The following RGS22 variants were observed in gnomAD, a reference collection of about 807,000 sequenced individuals.
RGS22 encodes regulator of G protein signaling 22, also known as regulator of G-protein signaling 22.
Under a neutral mutation model 172.9 loss-of-function variants are expected in RGS22, and 148 were observed. The observed-to-expected ratio is 0.86, with a 90% confidence interval of 0.75 to 0.98. The LOEUF is 0.98. RGS22 is among the 50% of genes least tolerant of loss of function. The probability of loss-of-function intolerance (pLI) is 0.00; values close to 1 mark genes in which losing one functional copy is unlikely to be tolerated. For synonymous variants in RGS22, 458 were observed against 480.2 expected (o/e 0.95, Z 0.60); for missense variants, 1,347 against 1,440.8 (o/e 0.93, Z 1.05).
intron 3 of RGS22, among the ~76,000 whole-genome samples, chr8:100,087,094 T>C (rs1342317442): frequency 2.6e-5 from 4 of 152,174 alleles, no homozygotes. Flanking sequence ...TCCTTTGTTT[T>C]AACCATTTCT....
chr8:100,071,379 G>A lies in RGS22; in HGVS notation c.584C>T (p.Ser195Leu). The change falls in exon 6 of 28, where the codon TCA (serine) becomes TTA (leucine). Residue 195 changes from serine (S) to leucine (L), a missense_variant. Ser to Leu is a moderately radical substitution (Grantham distance 145). Transcript: ENST00000360863. The stretch of plus-strand genomic sequence containing the variant: ...TGCTCATACTTTTACCTCACCAAGT[G>A]ATACATAGAACTTTTTCATAATTAC... ...NLVIMKKFYVSLGEASYTQTK... is the reference protein window; with the variant it reads ...NLVIMKKFYVLLGEASYTQTK... 6.2e-7 allele frequency: 1 copy of A among 1,607,186 alleles called. No individual in the cohort carries two copies. Among genetic ancestry groups the A allele is most frequent in the Non-Finnish European group, 8.5e-7 (1 of 1,177,368 alleles).
At chr8:100,012,046 G>T (rs1417069708) in intron 14 of RGS22, among the ~76,000 whole-genome samples, 2 of 151,898 alleles carry the variant, frequency 1.3e-5, no homozygotes, top group African/African-American at 4.8e-5. Context: ...GAAGCCAAAT[G>T]AAGAGTTAGC....
At position 99,972,110 on chromosome 8, in the gene RGS22, T is replaced by C. The variant is rs531018728; in HGVS notation, c.3519+5807A>G. On this transcript the variant is annotated intron_variant, in intron 23 of 27. Transcript: ENST00000360863. Reference sequence around the variant, plus strand: ...AAATAACATCATACATCTACAACCATCTGATCTTCGACAAACCTGACAAAA... The same window carrying C: ...AAATAACATCATACATCTACAACCACCTGATCTTCGACAAACCTGACAAAA... 4.6e-5 allele frequency among the ~76,000 whole-genome samples: 7 copies of C among 152,180 alleles called. No individual in the cohort carries two copies. In the South Asian group the frequency reaches 1.5e-3, roughly 32 times the overall value.
At chr8:100,031,985 C>G (rs1166231053) in intron 14 of RGS22, among the ~76,000 whole-genome samples, 1 of 152,082 alleles carries the variant, frequency 6.6e-6, no homozygotes, top group Non-Finnish European at 1.5e-5. Flanking sequence ...TTTGTCACCA[C>G]CAGGCCTGCC....
chr8:100,035,619 A>G (rs910299048), intron 14 of RGS22, among the ~76,000 whole-genome samples: 4 of 152,236 alleles, frequency 2.6e-5, no homozygotes, highest in African/African-American at 7.2e-5. Flanking sequence ...TATAAACCCA[A>G]TGGATTTTAA....
intron 12 of RGS22, among the ~76,000 whole-genome samples, 184 bp downstream of exon 12, chr8:100,041,618 T>C (rs1366584360): frequency 1.3e-5 from 2 of 152,124 alleles, no homozygotes; most frequent in Admixed American, 1.3e-4. Flanking sequence ...TATAGAACCA[T>C]GGTACTACAA....
chr8:100,043,103 C>A (rs1002223998), intron 11 of RGS22, among the ~76,000 whole-genome samples: 1 of 152,178 alleles, frequency 6.6e-6, no homozygotes, highest in Admixed American at 6.5e-5. Context: ...CTGGCAGTTG[C>A]CTATTATCGG....
intron 20 of RGS22, among the ~76,000 whole-genome samples, chr8:99,990,339 G>A (rs1169388210): frequency 4.6e-5 from 7 of 152,074 alleles, no homozygotes; most frequent in African/African-American, 1.7e-4. Flanking sequence ...CCTCTAGCAG[G>A]GGACTCTGGC....
chr8:100,052,125 A>C (rs1821667692), intron 10 of RGS22, among the ~76,000 whole-genome samples: 1 of 85,162 alleles, frequency 1.2e-5, no homozygotes, highest in Non-Finnish European at 2.1e-5. Flanking sequence ...ATATATTTAT[A>C]TATAAATATA....
chr8:100,071,440 T>C lies in RGS22; in HGVS notation c.523A>G (p.Ser175Gly). Residue 175 changes from serine to glycine, a missense_variant, in exon 6 of 28, where the codon AGT (serine) becomes GGT (glycine). Physicochemically the swap from Ser to Gly is moderately conservative, Grantham distance 56. Coordinates refer to ENST00000360863, the MANE Select transcript of RGS22 (RefSeq NM_015668.5). ...FSPWIVKKPPSLPPPATEEDN... is the reference protein window; with the variant it reads ...FSPWIVKKPPGLPPPATEEDN... ...TCTTCAGTGGCAGGAGGTGGTAGAC[T>C]GGGTGGTTTTTTCACGATCCAGGGA... 6.2e-6 allele frequency: 10 copies of C among 1,613,424 alleles called. No homozygotes were observed. The highest frequency in any genetic ancestry group is 8.5e-6 in the Non-Finnish European group (10 of 1,179,568).
At chr8:100,065,096 A>G (rs1177898140) in intron 7 of RGS22, among the ~76,000 whole-genome samples, 8 of 152,236 alleles carry the variant, frequency 5.3e-5, no homozygotes, top group Non-Finnish European at 1.0e-4. Context: ...GTTGTCATCC[A>G]TGCCCCATTC....
intron 9 of RGS22, among the ~76,000 whole-genome samples, chr8:100,053,462 G>GGGAGAC (rs2131709222): frequency 7.8e-6 from 1 of 128,154 alleles, no homozygotes; most frequent in East Asian, 2.4e-4. Context: ...GGGAGGGAGA[G>GGGAGAC]AGGGAGGGAG....
intron 10 of RGS22, among the ~76,000 whole-genome samples, chr8:100,049,117 G>A (rs1261280085): frequency 6.6e-6 from 1 of 152,110 alleles, no homozygotes; most frequent in Non-Finnish European, 1.5e-5. Flanking sequence ...TAACTGATGG[G>A]GATGGGTGGG....
At chr8:99,973,953 T>A (rs547147816) in intron 23 of RGS22, among the ~76,000 whole-genome samples, 1 of 151,714 alleles carries the variant, frequency 6.6e-6, no homozygotes, top group East Asian at 1.9e-4. Context: ...TGTATACCTA[T>A]GTAACAAACC....
At chr8:100,035,593 C>T (rs1026219484) in intron 14 of RGS22, among the ~76,000 whole-genome samples, 4 of 152,156 alleles carry the variant, frequency 2.6e-5, no homozygotes, top group African/African-American at 7.2e-5. Flanking sequence ...ATTGACCCAG[C>T]GATCCCATTA....
At position 100,060,402 on chromosome 8, in the gene RGS22, G is replaced by GTATATATATATA. The variant is rs72050805; in HGVS notation, c.1514+2177_1514+2188dup. Among the ~76,000 whole-genome samples, 64 of 102,978 alleles carry GTATATATATATA rather than the reference G, an allele frequency of 6.2e-4. 6 individuals carry two copies. The highest frequency in any genetic ancestry group is 5.1e-3 in the Middle Eastern group (1 of 196). The allele number at this position is 102,978 out of a possible 152,430, so 67.6% of individuals were successfully genotyped here. A position where few individuals can be genotyped will look rare whatever the true frequency, so the allele number is the denominator to read the frequency against. Reference sequence around the variant, plus strand: ...GATAAATCTGCAACTTTAGCTACGTGTATATATATATATATATATACACAC... The same window carrying GTATATATATATA: ...GATAAATCTGCAACTTTAGCTACGTGTATATATATATATATATATATATATATATATACACAC... On this transcript the variant is annotated intron_variant, in intron 9 of 27. Transcript: ENST00000360863.
intron 11 of RGS22, chr8:100,046,584 G>A (rs1314866068): frequency 2.0e-5 from 3 of 149,358 alleles, no homozygotes; most frequent in Non-Finnish European, 3.0e-5. Flanking sequence ...GGAAATGGCA[G>A]AGAAGGTGAT....
intron 14 of RGS22, among the ~76,000 whole-genome samples, chr8:100,028,265 T>G (rs1744129572): frequency 6.6e-6 from 1 of 152,134 alleles, no homozygotes; most frequent in African/African-American, 2.4e-5. Context: ...GCCATGCACT[T>G]AAAAGTACAT....
intron 2 of RGS22, among the ~76,000 whole-genome samples, chr8:100,098,340 C>T (rs919347447): frequency 1.3e-5 from 2 of 151,910 alleles, no homozygotes; most frequent in Admixed American, 6.6e-5. Flanking sequence ...AAGACTCTAA[C>T]GAATAATACT....
Sources: gnomAD v4.1 joint callset for allele counts (sites outside exome capture counted in the v4.1 genomes callset) on GRCh38, gnomAD v4.1.1 for gene constraint, MANE v1.5 for transcripts, NCBI Gene and HGNC (gene_info 2026-07-23, HGNC 2026-07-21) for gene names.